Variants in MTA1 observed in about 807,000 individuals in gnomAD.
MTA1 encodes metastasis-associated protein MTA1.
MTA1 carries 15 observed loss-of-function variants against 97.0 expected under a neutral mutation model. That is an observed-to-expected ratio of 0.15 (90% CI 0.10 to 0.24). The LOEUF is 0.24. Among genes scored for constraint, MTA1 ranks in the 10% least tolerant of loss-of-function variants. MTA1 has a pLI of 1.00. For synonymous variants in MTA1, 435 were observed against 417.5 expected, an observed-to-expected ratio of 1.04 and a Z score of -0.51; for missense variants, 709 against 1,015.1, an observed-to-expected ratio of 0.70 and a Z score of 4.10.
intron 9 of MTA1, 65 bp downstream of exon 9, chr14:105,460,522 C>G: frequency 6.9e-7 from 1 of 1,458,764 alleles, no homozygotes; most frequent in Non-Finnish European, 9.2e-7. Context: ...TGGCTGCGCC[C>G]TTCTTCCTAC....
chr14:105,445,489 C>T lies in MTA1; in HGVS notation c.168C>T (p.Ile56=), dbSNP rs782658794. 1.9e-6 allele frequency: 3 copies of T among 1,613,422 alleles called. No individual in the cohort carries two copies. The highest frequency in any genetic ancestry group is 1.3e-5 in the African/African-American group (1 of 75,024). Residue 56 remains isoleucine (I), a synonymous_variant, in exon 3 of 21, where the codon ATC becomes ATT. Coordinates refer to ENST00000331320, the MANE Select transcript of MTA1 (RefSeq NM_004689.4). ...GGCGGGACATCTCCAGCACCCTCAT[C>T]GCCCTGGCCGACAAGCACGCAAGTG... ...YRRRDISSTL[I]ALADKHATLS...
Position 105,441,750 on chromosome 14 carries a change from C to T in MTA1, c.96+3011C>T, listed in dbSNP as rs754323293. 2.9e-3 allele frequency among the ~76,000 whole-genome samples: 436 copies of T among 152,180 alleles called. 4 individuals are homozygous for T. Among genetic ancestry groups the T allele is most frequent in the East Asian group, 0.018 (91 of 5,182 alleles). ...TGGAGCTTGCAGTGAGCCGAGATCC[C>T]GCCACTACACTCCAGCCTGGGCGAC... On this transcript the variant is annotated intron_variant, in intron 2 of 20. Coordinates refer to ENST00000331320, the MANE Select transcript of MTA1 (RefSeq NM_004689.4).
Position 105,429,272 on chromosome 14 carries a change from G to A in MTA1, c.28+9209G>A, listed in dbSNP as rs587749795. Among the ~76,000 whole-genome samples, 70 of 152,206 alleles carry A rather than the reference G, an allele frequency of 4.6e-4. 1 individual carries two copies. The highest frequency in any genetic ancestry group is 3.4e-3 in the Middle Eastern group (1 of 294). ...GCCGTTCAGCTGTCTTATCAGGCTT[G>A]TGTTCACTGGAGCAGCACTTTTTGT... On this transcript the variant is annotated intron_variant, in intron 1 of 20. Coordinates refer to ENST00000331320, the MANE Select transcript of MTA1 (RefSeq NM_004689.4).
chr14:105,425,555 A>G (rs912068634), intron 1 of MTA1, among the ~76,000 whole-genome samples: 1 of 152,148 alleles, frequency 6.6e-6, no homozygotes, highest in Non-Finnish European at 1.5e-5. Context: ...CTGGGTTTGC[A>G]AGGCTGTGAA....
At chr14:105,469,441 C>A in intron 18 of MTA1, 26 bp from the exon 19 acceptor site, 1 of 1,612,668 alleles carries the variant, frequency 6.2e-7, no homozygotes, top group Admixed American at 1.7e-5. Flanking sequence ...CTCGGGGCCT[C>A]ATTTCTCTCC....
chr14:105,466,577 C>A lies in MTA1; in HGVS notation c.1776C>A (p.Asp592Glu). 6.4e-7 allele frequency: 1 copy of A among 1,573,144 alleles called. No individual in the cohort carries two copies. Among genetic ancestry groups the A allele is most frequent in the South Asian group, 1.2e-5 (1 of 85,882 alleles). Reference protein sequence around the residue: ...KRSYEQHNGVDGNMKKRLLMP... With the variant: ...KRSYEQHNGVEGNMKKRLLMP... Reference sequence around the variant, plus strand: ...GCTACGAGCAGCACAACGGGGTGGACGGTGAGTGGCCCCCCCGCCCGGTGA... The same window carrying A: ...GCTACGAGCAGCACAACGGGGTGGAAGGTGAGTGGCCCCCCCGCCCGGTGA... Residue 592 changes from aspartate (D) to glutamate (E), a missense_variant and splice_region_variant, in exon 17 of 21, where the codon GAC becomes GAA. By Grantham distance (45) the Asp-to-Glu change is conservative (BLOSUM62 2). Around this residue, in one of 2 missense-constraint regions of MTA1, gnomAD observed 388 missense variants for 421.6 expected, o/e 0.92. Transcript: ENST00000331320.
chr14:105,450,512 C>T (rs2082884189), intron 6 of MTA1, among the ~76,000 whole-genome samples, 188 bp downstream of exon 6: 3 of 152,244 alleles, frequency 2.0e-5, no homozygotes, highest in African/African-American at 7.2e-5. Context: ...TGGCCGCCCC[C>T]ACCCTACGCG....
intron 18 of MTA1, chr14:105,467,189 C>T (rs782676563): frequency 2.5e-5 from 9 of 357,180 alleles, no homozygotes; most frequent in African/African-American, 1.1e-4. Context: ...TGCCTTCTGT[C>T]GGAGGACTGG....
chr14:105,454,859 G>A (rs2083082189), intron 7 of MTA1, among the ~76,000 whole-genome samples: 1 of 151,870 alleles, frequency 6.6e-6, no homozygotes. Flanking sequence ...CAAGGTGCTG[G>A]GATTACAGGC....
Position 105,424,177 on chromosome 14 carries a change from C to G in MTA1, c.28+4114C>G, listed in dbSNP as rs1555421665. On this transcript the variant is annotated intron_variant, in intron 1 of 20. Coordinates refer to ENST00000331320, the MANE Select transcript of MTA1 (RefSeq NM_004689.4). This position sits in a 1 kb window ranked among gnomAD's most constrained non-coding sequence, Gnocchi z 4.0. Reference sequence around the variant, plus strand: ...CACTGAGCTTCTCCTGCCTCAGCCACTGAGCACTCCTGGCTTGCTCCACCT... The same window carrying G: ...CACTGAGCTTCTCCTGCCTCAGCCAGTGAGCACTCCTGGCTTGCTCCACCT... Among the ~76,000 whole-genome samples the G allele has an allele frequency of 6.6e-6, 1 of 152,268 alleles. No individual in the cohort carries two copies. The highest frequency in any genetic ancestry group is 2.4e-5 in the African/African-American group (1 of 41,478).
intron 3 of MTA1, among the ~76,000 whole-genome samples, chr14:105,447,127 GGCTGGCCTA>G (rs1449642283): frequency 1.4e-4 from 21 of 152,352 alleles, no homozygotes; most frequent in Non-Finnish European, 2.6e-4. Flanking sequence ...TAGTGTTGGA[GGCTGGCCTA>G]TGTCGACTCT....
intron 2 of MTA1, among the ~76,000 whole-genome samples, chr14:105,441,078 G>A (rs1418447189): frequency 6.6e-6 from 1 of 152,200 alleles, no homozygotes; most frequent in Admixed American, 6.5e-5. Context: ...AGGAACCATG[G>A]TGACATGTGG....
chr14:105,445,116 C>T (rs1555426763), intron 2 of MTA1, among the ~76,000 whole-genome samples: 2 of 152,134 alleles, frequency 1.3e-5, no homozygotes, highest in South Asian at 4.1e-4. Context: ...GTGGCGGGGG[C>T]CTTTTCCTCC....
chr14:105,455,497 G>A (rs782091003), intron 7 of MTA1, among the ~76,000 whole-genome samples: 9 of 152,250 alleles, frequency 5.9e-5, no homozygotes, highest in Non-Finnish European at 1.0e-4. Context: ...GAGGGTGGGC[G>A]GGGACTCGCC....
chr14:105,467,508 G>A (rs782135285), intron 18 of MTA1: 12 of 455,724 alleles, frequency 2.6e-5, no homozygotes, highest in Middle Eastern at 3.3e-4. Flanking sequence ...TGGCAGGCAC[G>A]TCCTGTGGGG....
intron 2 of MTA1, among the ~76,000 whole-genome samples, chr14:105,444,242 G>A (rs1171957858): frequency 1.3e-5 from 2 of 152,032 alleles, no homozygotes; most frequent in African/African-American, 4.8e-5. Context: ...GGGCGTGGTG[G>A]TGGGCGCCTG....
intron 1 of MTA1, among the ~76,000 whole-genome samples, chr14:105,425,731 G>A (rs587773479): frequency 2.5e-4 from 37 of 150,370 alleles, no homozygotes; most frequent in African/African-American, 9.1e-4. Flanking sequence ...CTGAGTGTGC[G>A]GACTGGGGGA....
intron 2 of MTA1, among the ~76,000 whole-genome samples, chr14:105,441,749 C>A (rs12432823): frequency 0.98 from 148,531 of 152,168 alleles, 72,491 homozygotes; most frequent in South Asian, 0.99. Context: ...AGCCGAGATC[C>A]CGCCACTACA....
At chr14:105,449,889 GC>G (rs1312702174) in intron 4 of MTA1, among the ~76,000 whole-genome samples, 168 bp from the exon 5 acceptor site, 2 of 152,146 alleles carry the variant, frequency 1.3e-5, no homozygotes, top group African/African-American at 4.8e-5. Context: ...CCAAGGAGCC[GC>G]CGGGCCGCCA....
Sources: allele counts gnomAD v4.1 joint callset (sites outside exome capture counted in the v4.1 genomes callset), GRCh38; gene constraint gnomAD v4.1.1; regional missense constraint gnomAD v4.1.1; non-coding constraint Gnocchi (gnomAD v3.1); transcripts MANE v1.5; gene names NCBI Gene and HGNC (gene_info 2026-07-23, HGNC 2026-07-21).